Variants in MTOR observed in about 807,000 individuals in gnomAD.
The protein encoded by MTOR is serine/threonine-protein kinase mTOR.
In MTOR, 70 loss-of-function variants were observed where a neutral mutation model predicts 319.8. The ratio of observed to expected loss-of-function variants is 0.22; its 90% CI spans 0.18 to 0.27. MTOR has a LOEUF of 0.27. MTOR is among the 10% of genes least tolerant of loss of function. MTOR has a pLI of 1.00. For synonymous variants in MTOR, 1,183 were observed against 1,211.4 expected (o/e 0.98, Z 0.49); for missense variants, 1,890 against 3,274.4 (o/e 0.58, Z 10.32).
chr1:11,253,619 C>A (rs374484853), intron 6 of MTOR, among the ~76,000 whole-genome samples: 1 of 152,130 alleles, frequency 6.6e-6, no homozygotes, highest in Non-Finnish European at 1.5e-5. Context: ...TCAGGGAGGG[C>A]CTTCCTTGAC....
At chr1:11,203,039 C>A (rs1646029342) in intron 26 of MTOR, among the ~76,000 whole-genome samples, 2 of 151,792 alleles carry the variant, frequency 1.3e-5, no homozygotes, top group South Asian at 4.2e-4. Context: ...ATGGTGAAAC[C>A]CCACGTCTAC....
Position 11,129,104 on chromosome 1 carries a change from G to A in MTOR, c.5715-153C>T, listed in dbSNP as rs1039155357. ...GCCTCCCATGGGAGCAGGTGTCTGT[G>A]ATGGGTGGCAGTGCTCTTGACTGAA... On this transcript the variant is annotated intron_variant, in intron 40 of 57. Coordinates refer to ENST00000361445, the MANE Select transcript of MTOR (RefSeq NM_004958.4). This position sits in a 1 kb window ranked among gnomAD's most constrained non-coding sequence, Gnocchi z 4.7. Among the ~76,000 whole-genome samples the A allele has an allele frequency of 6.6e-6, 1 of 152,220 alleles. No individual in the cohort carries two copies. The highest frequency in any genetic ancestry group is 1.5e-5 in the Non-Finnish European group (1 of 68,040).
rs541760708 is a variant in MTOR, at chr1:11,225,170, T to G, written c.3030+3498A>C. Among the ~76,000 whole-genome samples, 4 of 152,262 alleles carry G rather than the reference T, an allele frequency of 2.6e-5. No individual in the cohort carries two copies. The South Asian group carries it at 8.3e-4, about 32-fold the overall frequency. ...TAAATATATTAAAAATCAATGAATT[T>G]TACGGTATGTAAATTTTATCTGACT... On this transcript the variant is annotated intron_variant, in intron 19 of 57. Coordinates refer to ENST00000361445, the MANE Select transcript of MTOR (RefSeq NM_004958.4).
intron 28 of MTOR, chr1:11,194,968 C>A (rs371259077): frequency 6.2e-7 from 1 of 1,614,088 alleles, no homozygotes; most frequent in East Asian, 2.2e-5. Flanking sequence ...CATGGATCTA[C>A]CTACTCCCTC....
intron 25 of MTOR, 152 bp from the exon 26 acceptor site, chr1:11,204,855 A>G: frequency 1.0e-6 from 1 of 982,226 alleles, no homozygotes; most frequent in Non-Finnish European, 1.5e-6. Flanking sequence ...AAAGAATAAT[A>G]TTTAATTAAG....
intron 19 of MTOR, among the ~76,000 whole-genome samples, chr1:11,218,496 A>C (rs1646552291): frequency 6.6e-6 from 1 of 152,194 alleles, no homozygotes; most frequent in African/African-American, 2.4e-5. Context: ...TCTTCAGGCA[A>C]ATTTTTATTA....
chr1:11,164,334 GAAAA>G (rs547043272), intron 29 of MTOR, among the ~76,000 whole-genome samples: 5,282 of 59,882 alleles, frequency 0.088, 138 homozygotes, highest in South Asian at 0.19. Context: ...GACTCTGCCT[GAAAA>G]AAAAAAAAAA....
At position 11,213,416 on chromosome 1, in the gene MTOR, G is replaced by A. The variant is rs761539813; in HGVS notation, c.3268C>T (p.Arg1090Cys). The change falls in exon 21 of 58, where the codon CGC becomes TGC. Residue 1090 changes from arginine to cysteine, a missense_variant. This residue lies in a region of MTOR where 377 missense variants were observed against 653.9 expected (regional missense o/e 0.58). Coordinates refer to ENST00000361445, the MANE Select transcript of MTOR (RefSeq NM_004958.4). ...RVFMHDNSPG[R>C]IVSIKLLAAI... ...CTACTCACCTTGATAGAGACAATGC[G>A]GCCTGGGCTGTTGTCATGCATGAAG... The A allele has an allele frequency of 7.4e-6, 12 of 1,612,402 alleles. No individual in the cohort carries two copies. Among genetic ancestry groups the A allele is most frequent in the East Asian group, 4.5e-5 (2 of 44,878 alleles).
intron 28 of MTOR, among the ~76,000 whole-genome samples, chr1:11,197,249 T>C (rs1019977947): frequency 2.0e-5 from 3 of 152,160 alleles, no homozygotes; most frequent in African/African-American, 7.2e-5. Flanking sequence ...AGAATTTCCA[T>C]GAGGCTCACC....
rs540508365 is a variant in MTOR, at chr1:11,178,588, G to A, written c.4254-11071C>T. Among the ~76,000 whole-genome samples, 50 of 152,266 alleles carry A rather than the reference G, an allele frequency of 3.3e-4. No individual in the cohort carries two copies. In the South Asian group the frequency reaches 8.3e-3, roughly 25 times the overall value. On this transcript the variant is annotated intron_variant, in intron 28 of 57. Transcript: ENST00000361445. ...TTATCTTTTTATTCTACAACAATGA[G>A]CACTGCTCCTTTTCTTGTGATGCCT...
rs560981973 is a variant in MTOR at position 11,189,225 on chromosome 1, C to T, written c.4253+10033G>A. The T allele has an allele frequency of 1.0e-3, 210 of 202,126 alleles. 1 individual carries two copies. The highest frequency in any genetic ancestry group is 1.5e-3 in the Non-Finnish European group (152 of 98,172). 12.5% of individuals were successfully genotyped at this position (202,126 alleles called of 1,614,324 possible). On this transcript the variant is annotated intron_variant, in intron 28 of 57. Coordinates refer to ENST00000361445, the MANE Select transcript of MTOR (RefSeq NM_004958.4). The stretch of plus-strand genomic sequence containing the variant: ...CCTCCCCTCCTCTGGCCTAAGTTGC[C>T]GCTGACTTCACCCAACAGGCACCTG...
At chr1:11,240,682 G>A in intron 10 of MTOR, 135 bp from the exon 11 acceptor site, 1 of 1,164,782 alleles carries the variant, frequency 8.6e-7, no homozygotes, top group Non-Finnish European at 1.2e-6. Context: ...TATAAAATAA[G>A]AATAAAAGTG....
rs900595586 is a variant in MTOR at position 11,229,068 on chromosome 1, C to G, written c.2780-150G>C. ...TCTAACACTGTTGGGAGTTCAAGGT[C>G]TATTAGGAACCAATGAATAGCCTCT... On this transcript the variant is annotated intron_variant, in intron 18 of 57. Coordinates refer to ENST00000361445, the MANE Select transcript of MTOR (RefSeq NM_004958.4). 2.9e-6 allele frequency: 3 copies of G among 1,019,508 alleles called. No homozygotes were observed. The African/African-American group carries it at 4.8e-5, about 16-fold the overall frequency. 63.2% of individuals were successfully genotyped at this position (1,019,508 alleles called of 1,614,324 possible).
chr1:11,242,189 C>T (rs1242737736), intron 9 of MTOR, among the ~76,000 whole-genome samples: 1 of 150,876 alleles, frequency 6.6e-6, no homozygotes, highest in Non-Finnish European at 1.5e-5. Context: ...CATGGTGAAA[C>T]CCCGCCTCTA....
At chr1:11,126,817 A>G (rs1445006317) in intron 45 of MTOR, 21 bp from the exon 46 acceptor site, 1 of 1,609,562 alleles carries the variant, frequency 6.2e-7, no homozygotes. Context: ...TTACCAAAGG[A>G]TTTAGTGTTC....
intron 1 of MTOR, 97 bp from the exon 2 acceptor site, chr1:11,259,520 C>A (rs955223329): frequency 3.8e-6 from 5 of 1,332,472 alleles, no homozygotes; most frequent in Non-Finnish European, 5.0e-6. Context: ...CCCCCTAGCC[C>A]TTGTCAGGCA....
rs2100361043 is a variant in MTOR at position 11,121,950 on chromosome 1, G to C, written c.6810+29C>G. The stretch of plus-strand genomic sequence containing the variant: ...ACGGAGATTCCCTGCCACGGAAGGG[G>C]CACTAGCTCTCGTGGCCGCATCACA... On this transcript the variant is annotated intron_variant, in intron 48 of 57. Transcript: ENST00000361445. This position sits in a 1 kb window ranked among gnomAD's most constrained non-coding sequence, Gnocchi z 4.9. 1 of 1,611,394 alleles carries C rather than the reference G, an allele frequency of 6.2e-7. No homozygotes were observed. The highest frequency in any genetic ancestry group is 1.1e-5 in the South Asian group (1 of 90,816).
chr1:11,250,234 A>C (rs1243989487), intron 6 of MTOR, among the ~76,000 whole-genome samples: 4 of 83,506 alleles, frequency 4.8e-5, no homozygotes, highest in East Asian at 4.9e-4. Context: ...CTGACCCCCC[A>C]CCTCCCTCCC....
chr1:11,153,386 G>A (rs1277985998), intron 30 of MTOR, among the ~76,000 whole-genome samples: 1 of 152,184 alleles, frequency 6.6e-6, no homozygotes, highest in Non-Finnish European at 1.5e-5. Context: ...AAGCGGGCTG[G>A]TGCCATAATA....
Sources: allele counts gnomAD v4.1 joint callset (sites outside exome capture counted in the v4.1 genomes callset), GRCh38; gene constraint gnomAD v4.1.1; regional missense constraint gnomAD v4.1.1; non-coding constraint Gnocchi (gnomAD v3.1); transcripts MANE v1.5; gene names NCBI Gene and HGNC (gene_info 2026-07-23, HGNC 2026-07-21).